Variants in KCNN3 observed in about 807,000 individuals in gnomAD.
The protein encoded by KCNN3 is small conductance calcium-activated potassium channel protein 3.
In KCNN3, 16 loss-of-function variants were observed where a neutral mutation model predicts 62.9. The observed-to-expected ratio is 0.25, with a 90% confidence interval of 0.17 to 0.39. The LOEUF is 0.39. Ranked by LOEUF, KCNN3 falls within the 10% of genes least tolerant of loss-of-function variation. The pLI is 1.00. For missense variants in KCNN3, 599 were observed against 949.4 expected, an observed-to-expected ratio of 0.63 and a Z score of 4.85; for synonymous variants, 370 against 389.2, an observed-to-expected ratio of 0.95 and a Z score of 0.58.
chr1:154,841,254 C>G (rs1356046286), intron 1 of KCNN3, among the ~76,000 whole-genome samples: 6 of 152,340 alleles, frequency 3.9e-5, no homozygotes, highest in African/African-American at 1.4e-4. Context: ...GAGATGAACA[C>G]TGAAATAATC....
chr1:154,791,572 A>G (rs1649520504), intron 2 of KCNN3, among the ~76,000 whole-genome samples: 1 of 152,190 alleles, frequency 6.6e-6, no homozygotes, highest in East Asian at 1.9e-4. Context: ...AGACAGGACA[A>G]AAATAAATCC....
intron 6 of KCNN3, among the ~76,000 whole-genome samples, chr1:154,714,182 GGT>G (rs1347529818): frequency 1.1e-3 from 14 of 12,328 alleles, no homozygotes; most frequent in Non-Finnish European, 2.3e-3. Flanking sequence ...TGTGGTGTGT[GGT>G]GTGTGTGTGG....
intron 2 of KCNN3, among the ~76,000 whole-genome samples, chr1:154,785,811 G>A (rs941021195): frequency 6.6e-6 from 1 of 151,942 alleles, no homozygotes; most frequent in Non-Finnish European, 1.5e-5. Flanking sequence ...ATGTTGGCCA[G>A]GCTGGTCTCA....
At chr1:154,804,365 G>GT (rs1429227120) in intron 2 of KCNN3, among the ~76,000 whole-genome samples, 1 of 152,256 alleles carries the variant, frequency 6.6e-6, no homozygotes, top group African/African-American at 2.4e-5. Context: ...CGCACTAAGA[G>GT]TTTTTTATTA....
Position 154,706,903 on chromosome 1 carries a change from T to G in KCNN3, c.*1073A>C, listed in dbSNP as rs1453430625. ...TTATTGGATTGCTCCTGTTTGTGCA[T>G]GTCTGCACACACATGCACAATTTCT... is the stretch of plus-strand genomic sequence containing the variant. On this transcript the variant is annotated 3_prime_UTR_variant, in exon 8 of 8. Transcript: ENST00000271915. 1 of 152,242 alleles carries G rather than the reference T, an allele frequency of 6.6e-6. No individual in the cohort carries two copies. The highest frequency in any genetic ancestry group is 1.9e-4 in the East Asian group (1 of 5,198). The allele number at this position is 152,242 out of a possible 1,614,324, so 9.4% of individuals were successfully genotyped here.
intron 7 of KCNN3, among the ~76,000 whole-genome samples, chr1:154,711,481 C>T (rs1700073935): frequency 6.7e-6 from 1 of 149,514 alleles, no homozygotes; most frequent in Admixed American, 6.7e-5. Context: ...TACCCTAAAA[C>T]TTAAAGTGTA....
intron 2 of KCNN3, among the ~76,000 whole-genome samples, chr1:154,815,039 C>T (rs1371055532): frequency 6.6e-6 from 1 of 152,242 alleles, no homozygotes; most frequent in Admixed American, 6.5e-5. Flanking sequence ...TTGTCAAGGT[C>T]TCCTCCCCTT....
At chr1:154,728,840 G>C (rs1337448496) in intron 4 of KCNN3, among the ~76,000 whole-genome samples, 1 of 152,008 alleles carries the variant, frequency 6.6e-6, no homozygotes, top group East Asian at 1.9e-4. Flanking sequence ...GAGGAAGGAA[G>C]AACAAGGAGC....
intron 2 of KCNN3, among the ~76,000 whole-genome samples, chr1:154,818,864 T>C (rs1358502131): frequency 6.6e-6 from 1 of 152,216 alleles, no homozygotes; most frequent in Non-Finnish European, 1.5e-5. Context: ...TTCTAAAAGG[T>C]ACTCCCCCAG....
In KCNN3 at chr1:154,869,644, A is replaced by T; in HGVS notation, c.321T>A (p.Ala107=). 6.2e-7 allele frequency: 1 copy of T among 1,612,332 alleles called. No individual in the cohort carries two copies. Among genetic ancestry groups the T allele is most frequent in the South Asian group, 1.1e-5 (1 of 90,886 alleles). ...HPGLLHSSPT[A]FRAPPSSNST... ...AGTTGGACGAAGGGGGGGCCCTGAA[A>T]GCGGTGGGAGAGGAGTGCAGCAGGC... Residue 107 remains alanine, a synonymous_variant, in exon 1 of 8, where the codon GCT becomes GCA. Coordinates refer to ENST00000271915, the MANE Select transcript of KCNN3 (RefSeq NM_002249.6). This position sits in a 1 kb window ranked among gnomAD's most constrained non-coding sequence, Gnocchi z 6.1.
At chr1:154,868,308 T>C in intron 1 of KCNN3, 16 of 986,094 alleles carry the variant, frequency 1.6e-5, no homozygotes, top group Non-Finnish European at 1.9e-5. Context: ...AGCAGGTTTA[T>C]TCTGAGTCCT....
rs1221385812 is a variant in KCNN3 at position 154,703,638 on chromosome 1, A to C, written c.*4338T>G. ...CCGTTTGTCCTGGGATGAAACATTG[A>C]TTCTTAATTTGGAGTGTACTGTTTG... On this transcript the variant is annotated 3_prime_UTR_variant, in exon 8 of 8. Coordinates refer to ENST00000271915, the MANE Select transcript of KCNN3 (RefSeq NM_002249.6). 1.3e-5 allele frequency: 2 copies of C among 152,202 alleles called. No individual in the cohort carries two copies. The highest frequency in any genetic ancestry group is 2.9e-5 in the Non-Finnish European group (2 of 68,028). The allele number at this position is 152,202 out of a possible 1,614,324, so 9.4% of individuals were successfully genotyped here.
At chr1:154,816,668 T>A (rs114976514) in intron 2 of KCNN3, among the ~76,000 whole-genome samples, 3,467 of 152,300 alleles carry the variant, frequency 0.023, 119 homozygotes, top group African/African-American at 0.079. Context: ...TCCTCACTCC[T>A]GCCCCAGCTC....
intron 3 of KCNN3, among the ~76,000 whole-genome samples, chr1:154,755,905 GGAGAAGAAGAA>G (rs1419855591): frequency 5.3e-5 from 7 of 132,226 alleles, no homozygotes; most frequent in East Asian, 2.4e-4. Flanking sequence ...AGAAGAAGGA[GGAGAAGAAGAA>G]GAGAAGAAGA....
chr1:154,864,511 G>A (rs1456385340), intron 1 of KCNN3, among the ~76,000 whole-genome samples: 1 of 152,250 alleles, frequency 6.6e-6, no homozygotes, highest in Non-Finnish European at 1.5e-5. Flanking sequence ...ACCTCTGTGA[G>A]GTCTGCAAAG....
rs1412657761 is a variant in KCNN3, at chr1:154,862,969, G to A, written c.933+6063C>T. On this transcript the variant is annotated intron_variant, in intron 1 of 7. Transcript: ENST00000271915. This position sits in a 1 kb window ranked among gnomAD's most constrained non-coding sequence, Gnocchi z 4.1. ...TATCTCAGTGCCACCACCGCTGGCA[G>A]TGTCAGTGTGGCCCGGTGACTTCAT... Among the ~76,000 whole-genome samples, 1 of 152,000 alleles carries A rather than the reference G, an allele frequency of 6.6e-6. No homozygotes were observed. Among genetic ancestry groups the A allele is most frequent in the East Asian group, 1.9e-4 (1 of 5,176 alleles).
chr1:154,780,260 T>A (rs10908440), intron 2 of KCNN3, among the ~76,000 whole-genome samples: 1 of 143,016 alleles, frequency 7.0e-6, no homozygotes, highest in African/African-American at 2.6e-5. Context: ...CACTCGTTTT[T>A]CCCCCCATTC....
intron 2 of KCNN3, among the ~76,000 whole-genome samples, chr1:154,788,909 C>T (rs1022150761): frequency 5.9e-5 from 9 of 152,174 alleles, no homozygotes; most frequent in Non-Finnish European, 1.3e-4. Flanking sequence ...AAGTGACATG[C>T]CCAAGGTCAC....
intron 5 of KCNN3, among the ~76,000 whole-genome samples, chr1:154,715,529 GTCTTTCTT>G (rs1024390345): frequency 6.6e-6 from 1 of 151,394 alleles, no homozygotes; most frequent in Non-Finnish European, 1.5e-5. Context: ...AAGTTGGAGG[GTCTTTCTT>G]TCTTTCTTTC....
Sources: gnomAD v4.1 joint callset for allele counts (sites outside exome capture counted in the v4.1 genomes callset) on GRCh38, gnomAD v4.1.1 for gene constraint, Gnocchi (gnomAD v3.1) non-coding constraint, MANE v1.5 for transcripts, NCBI Gene and HGNC (gene_info 2026-07-23, HGNC 2026-07-21) for gene names.